The following TAPT1 variants were observed in gnomAD, a reference collection of about 807,000 sequenced individuals.
TAPT1 encodes transmembrane anterior posterior transformation 1.
Under a neutral mutation model 65.6 loss-of-function variants are expected in TAPT1, and 28 were observed. The ratio of observed to expected loss-of-function variants is 0.43; its 90% confidence interval spans 0.32 to 0.59. The LOEUF is 0.59. TAPT1 is among the 20% of genes least tolerant of loss of function. TAPT1 has a pLI of 0.09. For synonymous variants in TAPT1, 278 were observed against 245.2 expected, an observed-to-expected ratio of 1.13 and a Z score of -1.25; for missense variants, 563 against 679.9, an observed-to-expected ratio of 0.83 and a Z score of 1.91.
At chr4:16,177,947 A>C (rs979054888) in intron 8 of TAPT1, among the ~76,000 whole-genome samples, 1 of 152,228 alleles carries the variant, frequency 6.6e-6, no homozygotes, top group Non-Finnish European at 1.5e-5. Context: ...AGTACTAACA[A>C]AGGAGGCAAG....
intron 7 of TAPT1, among the ~76,000 whole-genome samples, chr4:16,180,110 C>T (rs1020578618): frequency 6.6e-6 from 1 of 152,124 alleles, no homozygotes; most frequent in African/African-American, 2.4e-5. Flanking sequence ...TACACAATTA[C>T]TGAACTGATG....
chr4:16,214,501 T>C (rs1262526783), intron 1 of TAPT1: 1 of 152,250 alleles, frequency 6.6e-6, no homozygotes, highest in Non-Finnish European at 1.5e-5. Context: ...TCCTTGGATC[T>C]TTCCATTCAC....
chr4:16,174,729 C>A lies in TAPT1; in HGVS notation c.1108G>T (p.Val370Phe). ...ITKFNDITADVYSEYRASLAF... is the reference protein window; with the variant it reads ...ITKFNDITADFYSEYRASLAF... ...AGACTGGCTCTATATTCACTGTAGACCTAAAAACAAACAAGAATGAAATAT... is the reference window on the plus strand; with the variant it reads ...AGACTGGCTCTATATTCACTGTAGAACTAAAAACAAACAAGAATGAAATAT... Residue 370 changes from valine to phenylalanine, a missense_variant and splice_region_variant, in exon 10 of 14, where the codon GTC (valine) becomes TTC (phenylalanine). Val to Phe is a conservative substitution (Grantham distance 50). Around this residue, in one of 5 missense-constraint regions of TAPT1, gnomAD observed 104 missense variants for 102.5 expected, o/e 1.01. Coordinates refer to ENST00000405303, the MANE Select transcript of TAPT1 (RefSeq NM_153365.3). 1.9e-6 allele frequency: 3 copies of A among 1,565,628 alleles called. No individual in the cohort carries two copies. The highest frequency in any genetic ancestry group is 1.7e-6 in the Non-Finnish European group (2 of 1,156,228).
chr4:16,172,539 G>A (rs756620099), intron 11 of TAPT1, among the ~76,000 whole-genome samples: 3 of 151,890 alleles, frequency 2.0e-5, no homozygotes, highest in African/African-American at 4.8e-5. Context: ...TTCCTTTTCC[G>A]AAGCAAAAGA....
At chr4:16,176,079 A>C (rs1419660695) in intron 9 of TAPT1, 40 bp downstream of exon 9, 1 of 980,342 alleles carries the variant, frequency 1.0e-6, no homozygotes, top group South Asian at 1.7e-5. Flanking sequence ...AAGCAACAGA[A>C]GTAAACTTTA....
At chr4:16,177,694 T>C (rs1400604532) in intron 8 of TAPT1, among the ~76,000 whole-genome samples, 1 of 152,208 alleles carries the variant, frequency 6.6e-6, no homozygotes, top group Non-Finnish European at 1.5e-5. Flanking sequence ...ACTTAATTAT[T>C]ATGAGAACTA....
chr4:16,201,088 T>C (rs1750001301), intron 3 of TAPT1, among the ~76,000 whole-genome samples: 1 of 152,252 alleles, frequency 6.6e-6, no homozygotes, highest in Admixed American at 6.5e-5. Context: ...ATTTTTATAA[T>C]TGTTTTACTC....
chr4:16,166,954 C>T, intron 12 of TAPT1, 161 bp from the exon 13 acceptor site: 1 of 538,556 alleles, frequency 1.9e-6, no homozygotes, highest in Non-Finnish European at 3.1e-6. Context: ...CTGAGGCCTC[C>T]TTGTCACAAA....
intron 2 of TAPT1, among the ~76,000 whole-genome samples, chr4:16,209,775 G>A (rs1750554519): frequency 6.6e-6 from 1 of 152,252 alleles, no homozygotes; most frequent in Non-Finnish European, 1.5e-5. Flanking sequence ...TTGTGAGGCT[G>A]TTGAATGGAT....
intron 2 of TAPT1, among the ~76,000 whole-genome samples, chr4:16,204,499 T>C (rs1349587561): frequency 6.6e-6 from 1 of 152,256 alleles, no homozygotes; most frequent in East Asian, 1.9e-4. Flanking sequence ...AAATAATCTT[T>C]TGCTTAATTA....
chr4:16,191,228 G>A, intron 4 of TAPT1, 133 bp downstream of exon 4: 1 of 881,764 alleles, frequency 1.1e-6, no homozygotes, highest in Non-Finnish European at 1.7e-6. Context: ...CCCAAGTGAT[G>A]ACAGCACAGT....
At chr4:16,215,579 CAGA>C (rs1449928868) in intron 1 of TAPT1, among the ~76,000 whole-genome samples, 1 of 152,130 alleles carries the variant, frequency 6.6e-6, no homozygotes, top group African/African-American at 2.4e-5. Flanking sequence ...GGAGTTGAAA[CAGA>C]AGAAGAAAGC....
intron 1 of TAPT1, among the ~76,000 whole-genome samples, chr4:16,221,324 C>A (rs1252429988): frequency 6.6e-6 from 1 of 152,026 alleles, no homozygotes. Flanking sequence ...CAGGGTTTCA[C>A]CGTGTTGCCC....
In TAPT1 at chr4:16,176,173, G is replaced by A. The variant is rs774354099; in HGVS notation, c.1053C>T (p.Ala351=). ...TAAAGGCATGTTTTACAATATCCAC[G>A]GCAATTTCTGATGCAATTACCATAC... ...DVCMVIASEI[A]VDIVKHAFIT... The change falls in exon 9 of 14, where the codon GCC becomes GCT. Residue 351 remains alanine, a synonymous_variant. Coordinates refer to ENST00000405303, the MANE Select transcript of TAPT1 (RefSeq NM_153365.3). The A allele has an allele frequency of 1.1e-5, 18 of 1,577,138 alleles. No homozygotes were observed. The highest frequency in any genetic ancestry group is 1.7e-4 in the Middle Eastern group (1 of 6,032).
At chr4:16,185,889 C>T (rs1026782462) in intron 7 of TAPT1, among the ~76,000 whole-genome samples, 2 of 152,178 alleles carry the variant, frequency 1.3e-5, no homozygotes, top group Admixed American at 6.5e-5. Context: ...ACCATTTCTT[C>T]ATGACTTGTG....
chr4:16,170,501 A>G lies in TAPT1; in HGVS notation c.1313+152T>C, dbSNP rs1046871710. Among the ~76,000 whole-genome samples the G allele has an allele frequency of 2.0e-5, 3 of 152,258 alleles. No homozygotes were observed. In the East Asian group the frequency reaches 5.8e-4, roughly 29 times the overall value. ...AATAGCAGCGTAGTTAATCTAACTG[A>G]GTCACAAATAAATACACTTGGAGGT... On this transcript the variant is annotated intron_variant, in intron 12 of 13. Transcript: ENST00000405303.
chr4:16,225,217 A>T (rs1444606636), intron 1 of TAPT1, among the ~76,000 whole-genome samples: 2 of 152,240 alleles, frequency 1.3e-5, no homozygotes, highest in Non-Finnish European at 2.9e-5. Flanking sequence ...CAGTTCTGGG[A>T]ATCAGCAAAT....
In TAPT1 at chr4:16,179,552, C is replaced by G. The variant is rs1349165032; in HGVS notation, c.997+25G>C. 3 of 1,379,576 alleles carry G rather than the reference C, an allele frequency of 2.2e-6. No individual in the cohort carries two copies. In the African/African-American group the frequency reaches 4.4e-5, roughly 20 times the overall value. The allele number at this position is 1,379,576 out of a possible 1,614,324, so 85.5% of individuals were successfully genotyped here. A position where few individuals can be genotyped will look rare whatever the true frequency, so the allele number is the denominator to read the frequency against. ...TTGGCTTAGAAGTAAAATTATAAGA[C>G]ACTGTTTTGTTAAGAGTGAGTTACC... On this transcript the variant is annotated intron_variant, in intron 8 of 13. Coordinates refer to ENST00000405303, the MANE Select transcript of TAPT1 (RefSeq NM_153365.3).
At chr4:16,171,461 A>C (rs1747982994) in intron 11 of TAPT1, among the ~76,000 whole-genome samples, 1 of 152,202 alleles carries the variant, frequency 6.6e-6, no homozygotes. Flanking sequence ...TGCTATGCCC[A>C]TATGTTAAAA....
Sources: gnomAD v4.1 joint callset for allele counts (sites outside exome capture counted in the v4.1 genomes callset) on GRCh38, gnomAD v4.1.1 for gene constraint, gnomAD v4.1.1 regional missense constraint, MANE v1.5 for transcripts, NCBI Gene and HGNC (gene_info 2026-07-23, HGNC 2026-07-21) for gene names.